Variants in CRYBG3 observed in about 807,000 individuals in gnomAD.
The protein encoded by CRYBG3 is crystallin beta-gamma domain containing 3, also known as very large A-kinase anchor protein.
In CRYBG3, 127 loss-of-function variants were observed where a neutral mutation model predicts 244.2. The ratio of observed to expected loss-of-function variants is 0.52; its 90% CI spans 0.45 to 0.60. The LOEUF is 0.60. CRYBG3 is among the 20% of genes least tolerant of loss of function. The pLI is 0.00. For synonymous variants in CRYBG3, 1,132 were observed against 1,195.8 expected (o/e 0.95, Z 1.10); for missense variants, 3,325 against 3,442.5 (o/e 0.97, Z 0.85).
At chr3:97,852,304 A>G (rs1236161576) in intron 2 of CRYBG3, among the ~76,000 whole-genome samples, 7 of 152,198 alleles carry the variant, frequency 4.6e-5, no homozygotes, top group African/African-American at 1.2e-4. Context: ...GAGTGATGCC[A>G]TGGAATCTAA....
intron 19 of CRYBG3, among the ~76,000 whole-genome samples, chr3:97,940,434 G>A (rs1210292617): frequency 6.6e-6 from 1 of 152,160 alleles, no homozygotes; most frequent in South Asian, 2.1e-4. Context: ...TAATGGCACA[G>A]AATGCATTTA....
Position 97,933,765 on chromosome 3 carries a change from G to C in CRYBG3, c.8313G>C (p.Glu2771Asp), listed in dbSNP as rs576584715. The change falls in exon 18 of 22, where the codon GAG becomes GAC. Residue 2771 changes from glutamate (E) to aspartate (D), a missense_variant. This residue lies in a region of CRYBG3 where 714 missense variants were observed against 803.6 expected (regional missense o/e 0.89). Coordinates refer to ENST00000389622, the MANE Select transcript of CRYBG3 (RefSeq NM_153605.4). ...AGGGAAGAGAGTTACATCTAGAAGA[G>C]GCTGTGAACTCTGTTCTGAACAAGG... ...HCEGRELHLE[E>D]AVNSVLNKDL... is the part of the protein sequence containing the mutation. 7 of 1,612,390 alleles carry C rather than the reference G, an allele frequency of 4.3e-6. No individual in the cohort carries two copies. The South Asian group carries it at 7.7e-5, about 18-fold the overall frequency.
chr3:97,922,828 T>C (rs831872), intron 17 of CRYBG3, among the ~76,000 whole-genome samples: 117,696 of 151,884 alleles, frequency 0.77, 45,981 homozygotes, highest in East Asian at 0.85. Flanking sequence ...CCCAGCAATC[T>C]CATTACTGGG....
intron 7 of CRYBG3, among the ~76,000 whole-genome samples, chr3:97,883,612 T>C (rs2039475315): frequency 6.6e-6 from 1 of 152,238 alleles, no homozygotes; most frequent in African/African-American, 2.4e-5. Flanking sequence ...AGGCTTGTAC[T>C]TTTTCTTCTA....
intron 2 of CRYBG3, among the ~76,000 whole-genome samples, chr3:97,847,914 T>G (rs1027343345): frequency 1.3e-5 from 2 of 152,220 alleles, no homozygotes; most frequent in Non-Finnish European, 2.9e-5. Context: ...CACATTACCC[T>G]TATTTCTAAT....
Position 97,874,450 on chromosome 3 carries a change from A to G in CRYBG3, c.3256A>G (p.Ile1086Val), listed in dbSNP as rs2039345749. 22 of 1,535,072 alleles carry G rather than the reference A, an allele frequency of 1.4e-5. No individual in the cohort carries two copies. The highest frequency in any genetic ancestry group is 1.8e-5 in the Non-Finnish European group (21 of 1,146,548). ...TAAGCCCCAAAATAATTTGGATTCTATACAAGTTACCAAAGATCTCACACA... is the reference window on the plus strand; with the variant it reads ...TAAGCCCCAAAATAATTTGGATTCTGTACAAGTTACCAAAGATCTCACACA... ...SHKPQNNLDS[I>V]QVTKDLTHEG... Residue 1086 changes from isoleucine to valine, a missense_variant, in exon 4 of 22, where the codon ATA becomes GTA. By Grantham distance (29) the Ile-to-Val change is conservative. Transcript: ENST00000389622.
At chr3:97,916,362 T>C (rs1394564285) in intron 17 of CRYBG3, among the ~76,000 whole-genome samples, 1 of 152,182 alleles carries the variant, frequency 6.6e-6, no homozygotes, top group Non-Finnish European at 1.5e-5. Context: ...TGCAGAATGA[T>C]CTGGGTCACC....
intron 17 of CRYBG3, among the ~76,000 whole-genome samples, chr3:97,919,011 A>G (rs922120089): frequency 1.3e-5 from 2 of 152,234 alleles, no homozygotes; most frequent in African/African-American, 4.8e-5. Context: ...AAGTTGACAA[A>G]GTATATTCAA....
rs564540682 is a variant in CRYBG3, at chr3:97,862,190, T to C, written c.217-2027T>C. Among the ~76,000 whole-genome samples the C allele has an allele frequency of 5.9e-5, 9 of 152,266 alleles. No individual in the cohort carries two copies. In the East Asian group the frequency reaches 1.7e-3, roughly 29 times the overall value. On this transcript the variant is annotated intron_variant, in intron 2 of 21. Transcript: ENST00000389622. Reference sequence around the variant, plus strand: ...TCTTCCTCATTTGGAAAGCAACCTGTTATGCTTTGAAAAGAATGAGCAAGT... The same window carrying C: ...TCTTCCTCATTTGGAAAGCAACCTGCTATGCTTTGAAAAGAATGAGCAAGT...
intron 3 of CRYBG3, among the ~76,000 whole-genome samples, chr3:97,870,663 AT>A (rs2108211418): frequency 6.6e-6 from 1 of 152,268 alleles, no homozygotes; most frequent in East Asian, 1.9e-4. Context: ...AATGTAAAAC[AT>A]TTTGATTATC....
chr3:97,822,246 A>C lies in CRYBG3; in HGVS notation c.40A>C (p.Ser14Arg), dbSNP rs1189561209. Residue 14 changes from serine to arginine, a missense_variant, in exon 1 of 22, where the codon AGC (serine) becomes CGC (arginine). Coordinates refer to ENST00000389622, the MANE Select transcript of CRYBG3 (RefSeq NM_153605.4). Reference protein sequence around the residue: ...GRRRGSAPWHSFSRFFAPRSP... With the variant: ...GRRRGSAPWHRFSRFFAPRSP... ...CAGAAGGGGCAGCGCCCCCTGGCAC[A>C]GCTTCTCCCGGTTCTTCGCTCCCCG... The C allele has an allele frequency of 3.9e-6, 6 of 1,531,830 alleles. No individual in the cohort carries two copies. The South Asian group carries it at 7.2e-5, about 18-fold the overall frequency. 94.9% of individuals were successfully genotyped at this position (1,531,830 alleles called of 1,614,324 possible). A position where few individuals can be genotyped will look rare whatever the true frequency, so the allele number is the denominator to read the frequency against.
rs59823387 is a variant in CRYBG3 at position 97,898,221 on chromosome 3, G to GA, written c.7702-648dup. 5.9e-3 allele frequency among the ~76,000 whole-genome samples: 735 copies of GA among 124,066 alleles called. 3 individuals carry two copies. The highest frequency in any genetic ancestry group is 0.03 in the East Asian group (131 of 4,356). 81.4% of individuals were successfully genotyped at this position (124,066 alleles called of 152,430 possible). A position where few individuals can be genotyped will look rare whatever the true frequency, so the allele number is the denominator to read the frequency against. On this transcript the variant is annotated intron_variant, in intron 12 of 21. Transcript: ENST00000389622. ...GGCAACAAGAGCGAAACTGCTTCTT[G>GA]AAAAAAAAAAAAAAGAAAGAAAGTT...
Position 97,881,280 on chromosome 3 carries a change from G to T in CRYBG3, c.7152+61G>T, listed in dbSNP as rs2039444264. 9 of 1,168,340 alleles carry T rather than the reference G, an allele frequency of 7.7e-6. No homozygotes were observed. In the East Asian group the frequency reaches 2.4e-4, roughly 31 times the overall value. 72.4% of individuals were successfully genotyped at this position (1,168,340 alleles called of 1,614,324 possible). On this transcript the variant is annotated intron_variant, in intron 7 of 21. Transcript: ENST00000389622. ...TTTATTTATCATATAGTAAACCTGT[G>T]CTGTGGCCTGGCGATGTTTACAAAT...
At position 97,936,872 on chromosome 3, in the gene CRYBG3, A is replaced by T. The variant is rs1290424918; in HGVS notation, c.8469A>T (p.Arg2823Ser). Residue 2823 changes from arginine (R) to serine (S), a missense_variant, in exon 19 of 22, where the codon AGA becomes AGT. This residue lies in a region of CRYBG3 where 714 missense variants were observed against 803.6 expected (regional missense o/e 0.89). Transcript: ENST00000389622. Reference protein sequence around the residue: ...NEIPNWTAFSRWKTIGSLRPM... With the variant: ...NEIPNWTAFSSWKTIGSLRPM... ...TCCCAAACTGGACAGCATTCAGCAG[A>T]TGGAAAACAATTGGTTCCCTCCGTC... 6.2e-7 allele frequency: 1 copy of T among 1,613,046 alleles called. No homozygotes were observed. The highest frequency in any genetic ancestry group is 1.3e-5 in the African/African-American group (1 of 74,976).
At chr3:97,889,452 T>TGTTTCAA in intron 10 of CRYBG3, 62 bp downstream of exon 10, 2 of 1,333,520 alleles carry the variant, frequency 1.5e-6, no homozygotes, top group Non-Finnish European at 2.1e-6. Flanking sequence ...TTTATTCCAA[T>TGTTTCAA]AATTTTGAAA....
chr3:97,895,725 G>T (rs928390067), intron 11 of CRYBG3, among the ~76,000 whole-genome samples: 2 of 152,166 alleles, frequency 1.3e-5, no homozygotes, highest in African/African-American at 4.8e-5. Context: ...AAAAAGCATT[G>T]CTTTGTTGCA....
intron 3 of CRYBG3, among the ~76,000 whole-genome samples, chr3:97,870,258 A>G (rs2039286172): frequency 6.6e-6 from 1 of 152,112 alleles, no homozygotes; most frequent in African/African-American, 2.4e-5. Context: ...TGGACATAGT[A>G]CCTGACAGGT....
intron 2 of CRYBG3, among the ~76,000 whole-genome samples, chr3:97,846,578 G>A (rs1291161439): frequency 6.6e-6 from 1 of 152,144 alleles, no homozygotes; most frequent in Non-Finnish European, 1.5e-5. Flanking sequence ...AGTGTTAGTG[G>A]TGGAAAGTAG....
At chr3:97,937,958 C>A (rs1346879488) in intron 19 of CRYBG3, among the ~76,000 whole-genome samples, 1 of 152,016 alleles carries the variant, frequency 6.6e-6, no homozygotes, top group Admixed American at 6.6e-5. Context: ...GCATAATTAT[C>A]CAAAAGCCAC....
Sources: allele counts gnomAD v4.1 joint callset (sites outside exome capture counted in the v4.1 genomes callset), GRCh38; gene constraint gnomAD v4.1.1; regional missense constraint gnomAD v4.1.1; transcripts MANE v1.5; gene names NCBI Gene and HGNC (gene_info 2026-07-23, HGNC 2026-07-21).